Variants in CFAP58 observed in about 807,000 individuals in gnomAD.
The protein encoded by CFAP58 is cilia- and flagella-associated protein 58.
In CFAP58, 88 loss-of-function variants were observed where a neutral mutation model predicts 119.5. The ratio of observed to expected loss-of-function variants is 0.74; its 90% CI spans 0.62 to 0.88. CFAP58 has a LOEUF of 0.88. Among genes scored for constraint, CFAP58 ranks in the 40% least tolerant of loss-of-function variants. CFAP58 has a pLI of 0.00. For synonymous variants in CFAP58, 365 were observed against 366.3 expected, an observed-to-expected ratio of 1.00 and a Z score of 0.04; for missense variants, 990 against 1,021.2, an observed-to-expected ratio of 0.97 and a Z score of 0.42.
At chr10:104,349,536 A>G (rs2014435958), upstream of CFAP58, among the ~76,000 whole-genome samples, 1 of 152,284 alleles carries the variant, frequency 6.6e-6, no homozygotes, top group South Asian at 2.1e-4. Flanking sequence ...CTCTATCTCC[A>G]AATACCATCA....
intron 13 of CFAP58, among the ~76,000 whole-genome samples, chr10:104,402,037 T>C (rs556515301): frequency 1.8e-4 from 27 of 152,298 alleles, no homozygotes; most frequent in African/African-American, 6.0e-4. Flanking sequence ...CATTCAGTAT[T>C]GCTAGTTTGT....
intron 11 of CFAP58, among the ~76,000 whole-genome samples, chr10:104,395,550 A>T (rs1335563943): frequency 2.0e-5 from 3 of 152,226 alleles, no homozygotes; most frequent in African/African-American, 7.2e-5. Flanking sequence ...TGGTGCTCCG[A>T]CTGGATAATT....
chr10:104,450,493 A>G (rs1329852073), intron 17 of CFAP58, among the ~76,000 whole-genome samples: 1 of 152,130 alleles, frequency 6.6e-6, no homozygotes, highest in Admixed American at 6.6e-5. Flanking sequence ...ACACTAGTCT[A>G]TGGTTTGGAG....
rs143494163 is a variant in CFAP58 at position 104,402,256 on chromosome 10, C to T, written c.2039+1353C>T. Among the ~76,000 whole-genome samples, 556 of 152,178 alleles carry T rather than the reference C, an allele frequency of 3.7e-3. 3 individuals are homozygous for T. Among genetic ancestry groups the T allele is most frequent in the African/African-American group, 0.011 (461 of 41,510 alleles). ...GTATAGAGTCTAGTACAAAGCAGGC[C>T]GTCAAATACGGTAGCTAATATTTCT... On this transcript the variant is annotated intron_variant, in intron 13 of 17. Transcript: ENST00000369704.
rs7906297 is a variant in CFAP58 at position 104,391,111 on chromosome 10, C to T, written c.1366-1122C>T. Among the ~76,000 whole-genome samples the T allele has an allele frequency of 1.5e-3, 233 of 152,250 alleles. 2 individuals are homozygous for T. The highest frequency in any genetic ancestry group is 6.0e-3 in the East Asian group (31 of 5,184). On this transcript the variant is annotated intron_variant, in intron 9 of 17. Transcript: ENST00000369704. ...ATGGCAATTCTGCAAGTGGAAAAAA[C>T]GGATTCTTGTAAGTGCAATAATTTG...
intron 15 of CFAP58, among the ~76,000 whole-genome samples, chr10:104,441,098 G>T (rs2013029811): frequency 6.6e-6 from 1 of 152,202 alleles, no homozygotes; most frequent in Non-Finnish European, 1.5e-5. Flanking sequence ...TGCCTCCCAG[G>T]TTCAAGTGAT....
At chr10:104,352,132 C>A (rs1393263807), upstream of CFAP58, among the ~76,000 whole-genome samples, 3 of 152,098 alleles carry the variant, frequency 2.0e-5, no homozygotes, top group Non-Finnish European at 4.4e-5. Context: ...AGAAAATTAG[C>A]TAATTAGATG....
intron 3 of CFAP58, 32 bp downstream of exon 3, chr10:104,362,203 C>T: frequency 6.4e-7 from 1 of 1,574,752 alleles, no homozygotes; most frequent in Non-Finnish European, 8.6e-7. Flanking sequence ...GTATGTTAAA[C>T]TTGCTTTTGC....
At chr10:104,398,812 A>G (rs1020310689) in intron 11 of CFAP58, among the ~76,000 whole-genome samples, 3 of 152,332 alleles carry the variant, frequency 2.0e-5, no homozygotes, top group East Asian at 1.9e-4. Context: ...AGTAGGATCT[A>G]TATATCTTTT....
intron 15 of CFAP58, among the ~76,000 whole-genome samples, chr10:104,420,494 G>T (rs2012638305): frequency 6.6e-6 from 1 of 152,042 alleles, no homozygotes; most frequent in Admixed American, 6.5e-5. Flanking sequence ...GGTCTTTTTT[G>T]TGTTATGTGT....
In CFAP58 at chr10:104,399,314, T is replaced by G. The variant is rs766513740; in HGVS notation, c.1675-46T>G. 3.7e-6 allele frequency: 6 copies of G among 1,606,216 alleles called. No homozygotes were observed. The East Asian group carries it at 1.1e-4, about 30-fold the overall frequency. On this transcript the variant is annotated intron_variant, in intron 11 of 17. Transcript: ENST00000369704. Reference sequence around the variant, plus strand: ...ATCCGGGCCCTGTCGTCCTGGTTTGTGCTGTAACGAATTGAAATTTGCCTG... The same window carrying G: ...ATCCGGGCCCTGTCGTCCTGGTTTGGGCTGTAACGAATTGAAATTTGCCTG...
At chr10:104,353,825 T>G, upstream of CFAP58, 1 of 1,564,818 alleles carries the variant, frequency 6.4e-7, no homozygotes, top group Non-Finnish European at 8.7e-7. Flanking sequence ...GCCTTTAGCT[T>G]CTTTCCCAGA....
intron 7 of CFAP58, among the ~76,000 whole-genome samples, chr10:104,375,164 C>G (rs890839911): frequency 6.6e-6 from 1 of 150,774 alleles, no homozygotes; most frequent in African/African-American, 2.4e-5. Flanking sequence ...ATTCTCTATA[C>G]AGAATATAGT....
chr10:104,450,580 T>G (rs1375841856), intron 17 of CFAP58, among the ~76,000 whole-genome samples: 3 of 152,236 alleles, frequency 2.0e-5, no homozygotes, highest in Admixed American at 2.0e-4. Context: ...TAAAACCACA[T>G]GTGCTTTTGC....
In CFAP58 at chr10:104,365,893, A is replaced by G; in HGVS notation, c.677A>G (p.Lys226Arg). 1 of 1,613,672 alleles carries G rather than the reference A, an allele frequency of 6.2e-7. No homozygotes were observed. ...AAGGAAAAACTAGAGAAAGAGCTCA[A>G]GCAGATTCAGGCAGACATGGACAGC... ...RKKEKLEKEL[K>R]QIQADMDSRQ... The change falls in exon 5 of 18, where the codon AAG (lysine) becomes AGG (arginine). Residue 226 changes from lysine to arginine, a missense_variant. Transcript: ENST00000369704.
At chr10:104,378,391 A>T (rs1214268787) in intron 8 of CFAP58, among the ~76,000 whole-genome samples, 1 of 152,186 alleles carries the variant, frequency 6.6e-6, no homozygotes, top group East Asian at 1.9e-4. Context: ...CTACATTGTC[A>T]CCCAACCAAC....
Position 104,376,900 on chromosome 10 carries a change from G to A in CFAP58, c.1173+7G>A. On this transcript the variant is annotated splice_region_variant and intron_variant, in intron 8 of 17. Coordinates refer to ENST00000369704, the MANE Select transcript of CFAP58 (RefSeq NM_001008723.2). ...AAGGGACATACTAAATAAGGTGAGT[G>A]TGTTACAGTCACACTGGTAAATAAA... The A allele has an allele frequency of 6.3e-7, 1 of 1,595,840 alleles. No homozygotes were observed. The highest frequency in any genetic ancestry group is 8.6e-7 in the Non-Finnish European group (1 of 1,163,770).
At position 104,364,717 on chromosome 10, in the gene CFAP58, T is replaced by C; in HGVS notation, c.441-16T>C. 1.2e-6 allele frequency: 2 copies of C among 1,612,404 alleles called. No individual in the cohort carries two copies. The highest frequency in any genetic ancestry group is 1.7e-6 in the Non-Finnish European group (2 of 1,179,248). ...AGATGGCCATTTAGTCTGACTCCTG[T>C]GTTCTTCCTTTTTAGCATCCGAGAT... On this transcript the variant is annotated splice_polypyrimidine_tract_variant and intron_variant, in intron 3 of 17. Coordinates refer to ENST00000369704, the MANE Select transcript of CFAP58 (RefSeq NM_001008723.2).
chr10:104,402,516 C>A (rs1210469368), intron 13 of CFAP58, among the ~76,000 whole-genome samples: 2 of 152,148 alleles, frequency 1.3e-5, no homozygotes, highest in African/African-American at 4.8e-5. Flanking sequence ...GTAATAATAT[C>A]CTTATTGCCC....
Sources: allele counts gnomAD v4.1 joint callset (sites outside exome capture counted in the v4.1 genomes callset), GRCh38; gene constraint gnomAD v4.1.1; transcripts MANE v1.5; gene names NCBI Gene and HGNC (gene_info 2026-07-23, HGNC 2026-07-21).